FOXJ2: variants seen among roughly 807,000 people sequenced by gnomAD.
FOXJ2 encodes forkhead box J2.
Under a neutral mutation model 68.4 loss-of-function variants are expected in FOXJ2, and 18 were observed. That is an observed-to-expected ratio of 0.26 (90% CI 0.18 to 0.39). FOXJ2 has a LOEUF of 0.39. FOXJ2 is among the 10% of genes least tolerant of loss of function. The pLI is 1.00. For synonymous variants in FOXJ2, 274 were observed against 263.2 expected, an observed-to-expected ratio of 1.04 and a Z score of -0.40; for missense variants, 670 against 726.5, an observed-to-expected ratio of 0.92 and a Z score of 0.89.
chr12:8,052,847 T>A lies in FOXJ2; in HGVS notation c.1722T>A (p.Thr574=). Residue 574 remains threonine, a synonymous_variant, in exon 11 of 11, where the codon ACT becomes ACA. Transcript: ENST00000162391. ...IPDDFDWDLI[T] ...ATGACTTCGACTGGGACTTGATCACTTAGTGCATCACAGAGTGTGGACATC... is the reference window on the plus strand; with the variant it reads ...ATGACTTCGACTGGGACTTGATCACATAGTGCATCACAGAGTGTGGACATC... 1 of 1,603,428 alleles carries A rather than the reference T, an allele frequency of 6.2e-7. No individual in the cohort carries two copies. Among genetic ancestry groups the A allele is most frequent in the South Asian group, 1.1e-5 (1 of 89,570 alleles).
chr12:8,043,558 G>A (rs994490214), intron 3 of FOXJ2, 143 bp from the exon 4 acceptor site: 4 of 770,006 alleles, frequency 5.2e-6, no homozygotes, highest in African/African-American at 1.7e-5. Context: ...CAAAACAATC[G>A]AGGCCTGTGT....
chr12:8,049,684 G>A (rs1216341474), intron 9 of FOXJ2, 113 bp downstream of exon 9: 2 of 940,232 alleles, frequency 2.1e-6, no homozygotes, highest in East Asian at 5.5e-5. Context: ...GACCCAAATT[G>A]AGCAGTGGAA....
At chr12:8,045,080 T>G (rs1164310013) in intron 6 of FOXJ2, 122 bp downstream of exon 6, 63 of 1,011,234 alleles carry the variant, frequency 6.2e-5, no homozygotes, top group Non-Finnish European at 7.8e-5. Flanking sequence ...GTCTCACTCT[T>G]TCGTCCAAGC....
Position 8,055,324 on chromosome 12 carries a change from A to C in FOXJ2, c.*2474A>C, listed in dbSNP as rs1347809017. On this transcript the variant is annotated 3_prime_UTR_variant, in exon 11 of 11. Transcript: ENST00000162391. ...CAAAAGGAGTAATTATTTGGTATAGATCCACCCATCCCAACCTTTCTCTCC... is the reference window on the plus strand; with the variant it reads ...CAAAAGGAGTAATTATTTGGTATAGCTCCACCCATCCCAACCTTTCTCTCC... The C allele has an allele frequency of 6.6e-6, 1 of 152,532 alleles. No individual in the cohort carries two copies. The highest frequency in any genetic ancestry group is 1.5e-5 in the Non-Finnish European group (1 of 68,014). 9.4% of individuals were successfully genotyped at this position (152,532 alleles called of 1,614,324 possible).
intron 3 of FOXJ2, among the ~76,000 whole-genome samples, chr12:8,043,202 A>G (rs1946987496): frequency 1.6e-5 from 2 of 122,630 alleles, no homozygotes; most frequent in East Asian, 2.5e-4. Context: ...GGGCAACAAG[A>G]GTGAAACTCC....
rs776766557 is a variant in FOXJ2 at position 8,042,739 on chromosome 12, T to C, written c.408+7T>C. On this transcript the variant is annotated splice_region_variant and intron_variant, in intron 3 of 10. Coordinates refer to ENST00000162391, the MANE Select transcript of FOXJ2 (RefSeq NM_018416.3). ...TCGGGATGACCCTGGGAAGGTAAGA[T>C]ACTACTGTAAGCATTGAAAGGAGGA... 3 of 1,610,196 alleles carry C rather than the reference T, an allele frequency of 1.9e-6. No individual in the cohort carries two copies. The highest frequency in any genetic ancestry group is 1.3e-5 in the African/African-American group (1 of 74,834).
chr12:8,052,206 A>G (rs1400083303), intron 10 of FOXJ2, among the ~76,000 whole-genome samples: 1 of 149,824 alleles, frequency 6.7e-6, no homozygotes, highest in Non-Finnish European at 1.5e-5. Context: ...TATCATTATC[A>G]TATGTTTTCA....
At chr12:8,039,693 GTGGA>G in intron 1 of FOXJ2, 122 bp from the exon 2 acceptor site, 1 of 770,756 alleles carries the variant, frequency 1.3e-6, no homozygotes, top group Non-Finnish European at 2.1e-6. Flanking sequence ...GGAACACCTG[GTGGA>G]AGGCCATGCC....
At position 8,052,830 on chromosome 12, in the gene FOXJ2, G is replaced by A. The variant is rs927478826; in HGVS notation, c.1705G>A (p.Asp569Asn). 18 of 1,606,800 alleles carry A rather than the reference G, an allele frequency of 1.1e-5. No homozygotes were observed. The highest frequency in any genetic ancestry group is 2.7e-5 in the African/African-American group (2 of 74,766). Residue 569 changes from aspartate to asparagine, a missense_variant, in exon 11 of 11, where the codon GAC (aspartate) becomes AAC (asparagine). Asp to Asn is a conservative substitution (Grantham distance 23, BLOSUM62 1). Coordinates refer to ENST00000162391, the MANE Select transcript of FOXJ2 (RefSeq NM_018416.3). Reference sequence around the variant, plus strand: ...CAATGAGGAGATCCCTGATGACTTCGACTGGGACTTGATCACTTAGTGCAT... The same window carrying A: ...CAATGAGGAGATCCCTGATGACTTCAACTGGGACTTGATCACTTAGTGCAT... ...GANEEIPDDF[D>N]WDLIT
rs1464279256 is a variant in FOXJ2, at chr12:8,032,741, C to G, written c.-1107C>G. On this transcript the variant is annotated 5_prime_UTR_variant, in exon 1 of 11. Transcript: ENST00000162391. This position sits in a 1 kb window ranked among gnomAD's most constrained non-coding sequence, Gnocchi z 4.8. Reference sequence around the variant, plus strand: ...GCAGCGGAGCCGAGCCGAGCCCGAGCCCGCGCCGAGCCCTGACACTGTCTG... The same window carrying G: ...GCAGCGGAGCCGAGCCGAGCCCGAGGCCGCGCCGAGCCCTGACACTGTCTG... The G allele has an allele frequency of 5.1e-6, 2 of 395,950 alleles. No individual in the cohort carries two copies. The highest frequency in any genetic ancestry group is 8.9e-6 in the Non-Finnish European group (2 of 224,502). The allele number at this position is 395,950 out of a possible 1,614,324, so 24.5% of individuals were successfully genotyped here.
In FOXJ2 at chr12:8,052,788, G is replaced by A. The variant is rs1373287926; in HGVS notation, c.1663G>A (p.Val555Met). ...PAHHMVPRPS[V>M]PPPGANEEIP... The stretch of plus-strand genomic sequence containing the variant: ...ACACCATATGGTCCCTCGGCCATCA[G>A]TGCCACCTCCTGGTGCCAATGAGGA... Residue 555 changes from valine to methionine, a missense_variant, in exon 11 of 11, where the codon GTG becomes ATG. Val to Met is a conservative substitution (Grantham distance 21, BLOSUM62 1). Around this residue, in one of 2 missense-constraint regions of FOXJ2, gnomAD observed 555 missense variants for 562.2 expected, o/e 0.99. Transcript: ENST00000162391. 1.2e-6 allele frequency: 2 copies of A among 1,610,850 alleles called. No individual in the cohort carries two copies. The highest frequency in any genetic ancestry group is 1.1e-5 in the South Asian group (1 of 90,446).
chr12:8,049,669 G>A, intron 9 of FOXJ2, 98 bp downstream of exon 9: 4 of 1,138,186 alleles, frequency 3.5e-6, no homozygotes, highest in Non-Finnish European at 4.9e-6. Flanking sequence ...ATTTTATGGG[G>A]CAGTGACCCA....
Position 8,053,587 on chromosome 12 carries a change from C to A in FOXJ2, c.*737C>A, listed in dbSNP as rs138547383. 6.6e-6 allele frequency: 1 copy of A among 152,640 alleles called. No homozygotes were observed. The highest frequency in any genetic ancestry group is 2.4e-5 in the African/African-American group (1 of 41,554). 9.5% of individuals were successfully genotyped at this position (152,640 alleles called of 1,614,324 possible). A position where few individuals can be genotyped will look rare whatever the true frequency, so the allele number is the denominator to read the frequency against. On this transcript the variant is annotated 3_prime_UTR_variant, in exon 11 of 11. Transcript: ENST00000162391. This position sits in a 1 kb window ranked among gnomAD's most constrained non-coding sequence, Gnocchi z 4.1. Reference sequence around the variant, plus strand: ...AAACTGAGTATACACTGCCATGTTACATCAGTGTCCATTGGCTTGTTTTGA... The same window carrying A: ...AAACTGAGTATACACTGCCATGTTAAATCAGTGTCCATTGGCTTGTTTTGA...
At position 8,040,673 on chromosome 12, in the gene FOXJ2, A is replaced by G. The variant is rs1231121083; in HGVS notation, c.333+508A>G. On this transcript the variant is annotated intron_variant, in intron 2 of 10. Transcript: ENST00000162391. The surrounding 1 kb of genome is among the most constrained non-coding windows in gnomAD (Gnocchi z 4.0). Reference sequence around the variant, plus strand: ...CCAGATCTCATTATCCACCCGCCTCAGCCTCCCAAAGTGCTGAGATTACAG... The same window carrying G: ...CCAGATCTCATTATCCACCCGCCTCGGCCTCCCAAAGTGCTGAGATTACAG... Among the ~76,000 whole-genome samples, 2 of 151,970 alleles carry G rather than the reference A, an allele frequency of 1.3e-5. No homozygotes were observed. Among genetic ancestry groups the G allele is most frequent in the African/African-American group, 4.8e-5 (2 of 41,364 alleles).
At chr12:8,042,629 A>G (rs760865295) in intron 2 of FOXJ2, 29 bp from the exon 3 acceptor site, 2 of 1,597,664 alleles carry the variant, frequency 1.3e-6, no homozygotes, top group South Asian at 2.2e-5. Context: ...CATAATGCTC[A>G]GGCCTAACTT....
At position 8,047,952 on chromosome 12, in the gene FOXJ2, G is replaced by C. The variant is rs147328174; in HGVS notation, c.888G>C (p.Pro296=). The change falls in exon 7 of 11, where the codon CCG becomes CCC. Residue 296 remains proline (P), a synonymous_variant. Coordinates refer to ENST00000162391, the MANE Select transcript of FOXJ2 (RefSeq NM_018416.3). ...ACATGTATCAGCAGCAGCAGCCACC[G>C]CCACCTCAACAGCAGCAGCAGCAGC... ...NYYMYQQQQP[P]PPQQQQQQQQ... 2 of 1,612,922 alleles carry C rather than the reference G, an allele frequency of 1.2e-6. No homozygotes were observed. Among genetic ancestry groups the C allele is most frequent in the African/African-American group, 2.7e-5 (2 of 74,784 alleles).
At chr12:8,037,314 C>T (rs1398402154) in intron 1 of FOXJ2, among the ~76,000 whole-genome samples, 2 of 152,042 alleles carry the variant, frequency 1.3e-5, no homozygotes, top group Non-Finnish European at 2.9e-5. Context: ...ATGCTACAAG[C>T]TGCTTGTAGC....
intron 2 of FOXJ2, among the ~76,000 whole-genome samples, chr12:8,041,511 C>CTT (rs547891476): frequency 1.4e-5 from 2 of 142,728 alleles, no homozygotes; most frequent in East Asian, 2.0e-4. Context: ...CCCAGCCTCT[C>CTT]TTTTTTTTTT....
At chr12:8,047,831 T>C in intron 6 of FOXJ2, 51 bp from the exon 7 acceptor site, 1 of 1,526,414 alleles carries the variant, frequency 6.6e-7, no homozygotes, top group Non-Finnish European at 8.8e-7. Flanking sequence ...AATCCCATTT[T>C]GTGAAAAATG....
Sources: gnomAD v4.1 joint callset for allele counts (sites outside exome capture counted in the v4.1 genomes callset) on GRCh38, gnomAD v4.1.1 for gene constraint, gnomAD v4.1.1 regional missense constraint, Gnocchi (gnomAD v3.1) non-coding constraint, MANE v1.5 for transcripts, NCBI Gene and HGNC (gene_info 2026-07-23, HGNC 2026-07-21) for gene names.